The following SCHIP1 variants were observed in gnomAD, a reference collection of about 807,000 sequenced individuals.
SCHIP1 encodes schwannomin-interacting protein 1.
In SCHIP1, 8 loss-of-function variants were observed where a neutral mutation model predicts 29.7. The ratio of observed to expected loss-of-function variants is 0.27; its 90% CI spans 0.16 to 0.49. SCHIP1 has a LOEUF of 0.49. SCHIP1 is among the 20% of genes least tolerant of loss of function. The pLI is 0.99. For missense variants in SCHIP1, 193 were observed against 294.6 expected, an observed-to-expected ratio of 0.66 and a Z score of 2.52; for synonymous variants, 76 against 94.9, an observed-to-expected ratio of 0.80 and a Z score of 1.16.
chr3:159,402,308 TAGG>T, the SCHIP1 span, among the ~76,000 whole-genome samples: 1 of 152,056 alleles, frequency 6.6e-6, no homozygotes, highest in African/African-American at 2.4e-5. Flanking sequence ...TGTGGAGAAA[TAGG>T]AACACTTTTA....
chr3:159,875,033 C>A (rs33049), intron 2 of SCHIP1, among the ~76,000 whole-genome samples: 142,979 of 146,366 alleles, frequency 0.98, 69,798 homozygotes, highest in East Asian at 0.99. Context: ...AAAAAAAAAA[C>A]AAAAACTATC....
chr3:159,541,231 G>A, the SCHIP1 span, among the ~76,000 whole-genome samples: 2 of 152,094 alleles, frequency 1.3e-5, no homozygotes, highest in Non-Finnish European at 2.9e-5. Flanking sequence ...GAAATTGACA[G>A]CAAAGAGTAT....
the SCHIP1 span, among the ~76,000 whole-genome samples, chr3:159,381,769 A>G: frequency 0.85 from 128,572 of 152,016 alleles, 54,996 homozygotes; most frequent in African/African-American, 0.96. Flanking sequence ...CTAATTTTTT[A>G]TATTTTTAGT....
chr3:159,291,813 A>G, the SCHIP1 span, among the ~76,000 whole-genome samples: 1 of 152,162 alleles, frequency 6.6e-6, no homozygotes, highest in African/African-American at 2.4e-5. Flanking sequence ...GCCAACTGAA[A>G]AACTGAATGT....
At chr3:159,584,815 C>T in the SCHIP1 span, among the ~76,000 whole-genome samples, 3 of 152,010 alleles carry the variant, frequency 2.0e-5, no homozygotes, top group Non-Finnish European at 4.4e-5. Flanking sequence ...TCCAAAGAAA[C>T]GATGGGTGGC....
At chr3:159,519,427 T>C in the SCHIP1 span, among the ~76,000 whole-genome samples, 75 of 152,268 alleles carry the variant, frequency 4.9e-4, no homozygotes, top group African/African-American at 1.8e-3. Flanking sequence ...CATTATTATA[T>C]ACTAGTACTT....
At chr3:159,695,527 C>G in the SCHIP1 span, among the ~76,000 whole-genome samples, 187 of 152,298 alleles carry the variant, frequency 1.2e-3, 1 homozygote, top group Non-Finnish European at 1.9e-4. Flanking sequence ...CATCTCTCTT[C>G]TCACTGAGGA....
At chr3:159,340,369 AT>A in the SCHIP1 span, among the ~76,000 whole-genome samples, 1 of 152,060 alleles carries the variant, frequency 6.6e-6, no homozygotes, top group African/African-American at 2.4e-5. Flanking sequence ...ATCTCTAATA[AT>A]TATCAAAATT....
chr3:159,565,412 A>G, the SCHIP1 span, among the ~76,000 whole-genome samples: 2 of 152,178 alleles, frequency 1.3e-5, no homozygotes, highest in African/African-American at 2.4e-5. Flanking sequence ...GATGTTTGTT[A>G]TGATATGAAC....
exon 1 of SCHIP1, chr3:159,839,987 G>A (rs1044692416): frequency 1.0e-4 from 143 of 1,433,774 alleles, no homozygotes; most frequent in Non-Finnish European, 1.2e-4. Context: ...GAGCAGCTCA[G>A]CTCGCTAGCT....
chr3:159,398,748 C>T, the SCHIP1 span: 1 of 152,096 alleles, frequency 6.6e-6, no homozygotes, highest in African/African-American at 2.4e-5. Context: ...AAAATGATTC[C>T]CAGGTTTCTG....
chr3:159,774,457 C>T, the SCHIP1 span, among the ~76,000 whole-genome samples: 1 of 152,130 alleles, frequency 6.6e-6, no homozygotes, highest in Non-Finnish European at 1.5e-5. Flanking sequence ...CTCCACTGAT[C>T]CTTATCACTT....
chr3:159,772,131 G>T, the SCHIP1 span, among the ~76,000 whole-genome samples: 3 of 152,090 alleles, frequency 2.0e-5, no homozygotes, highest in Non-Finnish European at 4.4e-5. Flanking sequence ...TCTGATTTTG[G>T]TTCCCGGCTC....
chr3:159,725,610 C>T, the SCHIP1 span, among the ~76,000 whole-genome samples: 2 of 152,184 alleles, frequency 1.3e-5, no homozygotes, highest in African/African-American at 4.8e-5. Context: ...GACTTCATTT[C>T]TGCCCACTCT....
At chr3:159,812,333 A>G in the SCHIP1 span, among the ~76,000 whole-genome samples, 2 of 152,128 alleles carry the variant, frequency 1.3e-5, no homozygotes, top group Non-Finnish European at 2.9e-5. Flanking sequence ...TCACTGTTAT[A>G]TGGACTTTCT....
the SCHIP1 span, among the ~76,000 whole-genome samples, chr3:159,762,369 A>C: frequency 3.3e-5 from 5 of 152,170 alleles, no homozygotes; most frequent in African/African-American, 9.7e-5. Flanking sequence ...GTCGTGCCTC[A>C]CAGAAATCAC....
At chr3:159,695,250 T>G in the SCHIP1 span, among the ~76,000 whole-genome samples, 1 of 152,184 alleles carries the variant, frequency 6.6e-6, no homozygotes, top group East Asian at 1.9e-4. Flanking sequence ...AATCAGGCCA[T>G]TCTCAGTGAC....
At chr3:159,534,469 G>A in the SCHIP1 span, among the ~76,000 whole-genome samples, 2 of 152,146 alleles carry the variant, frequency 1.3e-5, no homozygotes, top group South Asian at 2.1e-4. Flanking sequence ...GGCAGGAGGT[G>A]GAGCTGATGA....
chr3:159,814,895 C>A, the SCHIP1 span, among the ~76,000 whole-genome samples: 1 of 152,180 alleles, frequency 6.6e-6, no homozygotes, highest in Admixed American at 6.5e-5. Context: ...TCATGAGTGT[C>A]ATGCGACAGG....
Sources: gnomAD v4.1 joint callset for allele counts (sites outside exome capture counted in the v4.1 genomes callset) on GRCh38, gnomAD v4.1.1 for gene constraint, MANE v1.5 for transcripts, NCBI Gene and HGNC (gene_info 2026-07-23, HGNC 2026-07-21) for gene names.